The following IGSF10 variants were observed in gnomAD, a reference collection of about 807,000 sequenced individuals.
The protein encoded by IGSF10 is calvaria mechanical force protein 608.
IGSF10 carries 126 observed loss-of-function variants against 128.2 expected under a neutral mutation model. The ratio of observed to expected loss-of-function variants is 0.98; its 90% CI spans 0.85 to 1.14. The LOEUF (loss-of-function observed/expected upper bound fraction) is 1.14, where lower values mean the gene tolerates loss of function less well. IGSF10 is among the 50% of genes most tolerant of loss of function. The pLI is 0.00. For missense variants in IGSF10, 3,295 were observed against 3,149.8 expected, an observed-to-expected ratio of 1.05 and a Z score of -1.10; for synonymous variants, 1,185 against 1,146.2, an observed-to-expected ratio of 1.03 and a Z score of -0.68.
In IGSF10 at chr3:151,448,903, T is replaced by C. The variant is rs76292851; in HGVS notation, c.1078A>G (p.Thr360Ala). 7.4e-6 allele frequency: 12 copies of C among 1,614,126 alleles called. No homozygotes were observed. The South Asian group carries it at 9.9e-5, about 13-fold the overall frequency. ...TAATCTATGTTGCACACCAAAAATG[T>C]TGAAAATGAAGTATTTAGCACGATG... ...DYIVLNTSFSTFLVCNIDYGH... is the reference protein window; with the variant it reads ...DYIVLNTSFSAFLVCNIDYGH... The change falls in exon 6 of 8, where the codon ACA (threonine) becomes GCA (alanine). Residue 360 changes from threonine to alanine, a missense_variant. Coordinates refer to ENST00000282466, the MANE Select transcript of IGSF10 (RefSeq NM_178822.5).
the IGSF10 span, among the ~76,000 whole-genome samples, chr3:151,515,390 A>G: frequency 4.2e-5 from 6 of 144,262 alleles, no homozygotes; most frequent in Non-Finnish European, 7.5e-5. Flanking sequence ...AACACCGCAT[A>G]TTCTCACTCA....
At chr3:151,534,290 A>C in the IGSF10 span, among the ~76,000 whole-genome samples, 2 of 152,192 alleles carry the variant, frequency 1.3e-5, no homozygotes, top group Non-Finnish European at 2.9e-5. Flanking sequence ...TTGACCCAGC[A>C]ATCCCATTAC....
the IGSF10 span, among the ~76,000 whole-genome samples, chr3:151,494,580 G>T: frequency 1.3e-5 from 2 of 151,964 alleles, no homozygotes; most frequent in African/African-American, 4.8e-5. Context: ...TACGACTCAG[G>T]GTTGCAATTC....
At chr3:151,455,867 A>G (rs996322435) in intron 4 of IGSF10, among the ~76,000 whole-genome samples, 7 of 152,244 alleles carry the variant, frequency 4.6e-5, no homozygotes, top group Non-Finnish European at 8.8e-5. Flanking sequence ...TCTCCCATAA[A>G]GAAAAAAGAA....
the IGSF10 span, among the ~76,000 whole-genome samples, chr3:151,577,051 G>A: frequency 2.0e-5 from 3 of 152,202 alleles, no homozygotes; most frequent in Non-Finnish European, 4.4e-5. Context: ...CTCAGCTTTG[G>A]AGTCTGCCCT....
At chr3:151,616,278 T>C in the IGSF10 span, among the ~76,000 whole-genome samples, 1 of 152,192 alleles carries the variant, frequency 6.6e-6, no homozygotes, top group Non-Finnish European at 1.5e-5. Flanking sequence ...TAAATATTTA[T>C]TTTGTTATTA....
chr3:151,580,524 T>C, the IGSF10 span, among the ~76,000 whole-genome samples: 2 of 152,246 alleles, frequency 1.3e-5, no homozygotes, highest in Admixed American at 6.5e-5. Flanking sequence ...TAAATGTTTG[T>C]TGAAGCATTT....
At chr3:151,617,320 C>CTTCTTTTTCTTCTCCT in the IGSF10 span, among the ~76,000 whole-genome samples, 3 of 83,580 alleles carry the variant, frequency 3.6e-5, no homozygotes, top group African/African-American at 1.6e-4. Context: ...CTTCTTCTTC[C>CTTCTTTTTCTTCTCCT]CCTCCTCCTC....
chr3:151,480,909 C>T, the IGSF10 span, among the ~76,000 whole-genome samples: 3 of 152,150 alleles, frequency 2.0e-5, no homozygotes, highest in African/African-American at 7.2e-5. Context: ...CTCCAGCACA[C>T]TGGAGAAATG....
At chr3:151,463,541 T>TTTTTTG (rs1722157047), upstream of IGSF10, among the ~76,000 whole-genome samples, 1 of 108,612 alleles carries the variant, frequency 9.2e-6, no homozygotes. Context: ...TTTTTTTTTT[T>TTTTTTG]TTTTTTTTTT....
the IGSF10 span, among the ~76,000 whole-genome samples, chr3:151,617,291 T>G: frequency 7.9e-6 from 1 of 125,948 alleles, no homozygotes; most frequent in East Asian, 2.3e-4. Context: ...TTCTTCTTCT[T>G]CTTCTTCTTC....
Position 151,445,581 on chromosome 3 carries a change from C to G in IGSF10, c.4400G>C (p.Ser1467Thr). Residue 1467 changes from serine to threonine, a missense_variant, in exon 6 of 8, where the codon AGC becomes ACC. By Grantham distance (58) the Ser-to-Thr change is moderately conservative. Transcript: ENST00000282466. ...IRHSTIPPFL[S>T]SSATLMPVPI... Reference sequence around the variant, plus strand: ...AACTGGCATTAGAGTAGCACTGCTGCTCAAGAATGGTGGTATGGTTGAGTG... The same window carrying G: ...AACTGGCATTAGAGTAGCACTGCTGGTCAAGAATGGTGGTATGGTTGAGTG... The G allele has an allele frequency of 6.2e-7, 1 of 1,614,178 alleles. No individual in the cohort carries two copies. Among genetic ancestry groups the G allele is most frequent in the Non-Finnish European group, 8.5e-7 (1 of 1,180,002 alleles).
chr3:151,610,466 G>A, the IGSF10 span, among the ~76,000 whole-genome samples: 1 of 152,124 alleles, frequency 6.6e-6, no homozygotes, highest in Admixed American at 6.6e-5. Flanking sequence ...TTATATGGAG[G>A]CAGTTTATAG....
the IGSF10 span, among the ~76,000 whole-genome samples, chr3:151,513,332 A>G: frequency 2.6e-5 from 4 of 152,190 alleles, no homozygotes; most frequent in Non-Finnish European, 5.9e-5. Flanking sequence ...AAAATCAATA[A>G]ACGTAATCCA....
At chr3:151,586,158 C>T in the IGSF10 span, among the ~76,000 whole-genome samples, 1 of 151,924 alleles carries the variant, frequency 6.6e-6, no homozygotes, top group East Asian at 1.9e-4. Context: ...TGAGGTATCA[C>T]CACATTGCCC....
rs73010408 is a variant in IGSF10, at chr3:151,450,284, G to A, written c.716-1019C>T. On this transcript the variant is annotated intron_variant, in intron 5 of 7. Coordinates refer to ENST00000282466, the MANE Select transcript of IGSF10 (RefSeq NM_178822.5). ...TTCCCTTACACAAAATACAGCCTGA[G>A]ACATCCATGCTGTTCCATATAGTAG... Among the ~76,000 whole-genome samples the A allele has an allele frequency of 5.3e-3, 813 of 152,304 alleles. 9 individuals are homozygous for A. Among genetic ancestry groups the A allele is most frequent in the African/African-American group, 0.019 (788 of 41,550 alleles).
At chr3:151,577,652 A>AT in the IGSF10 span, among the ~76,000 whole-genome samples, 2 of 152,082 alleles carry the variant, frequency 1.3e-5, no homozygotes, top group African/African-American at 2.4e-5. Context: ...ACCAACACCA[A>AT]TAAAAAAAAA....
chr3:151,459,041 A>G (rs1280467459), intron 2 of IGSF10, among the ~76,000 whole-genome samples: 1 of 152,256 alleles, frequency 6.6e-6, no homozygotes, highest in African/African-American at 2.4e-5. Flanking sequence ...CAACTAAAAT[A>G]TATAGAATTT....
the IGSF10 span, among the ~76,000 whole-genome samples, chr3:151,558,892 C>T: frequency 6.6e-6 from 1 of 151,934 alleles, no homozygotes; most frequent in Non-Finnish European, 1.5e-5. Flanking sequence ...TTTTCATGCA[C>T]AATCTTCATA....
Sources: gnomAD v4.1 joint callset for allele counts (sites outside exome capture counted in the v4.1 genomes callset) on GRCh38, gnomAD v4.1.1 for gene constraint, MANE v1.5 for transcripts, NCBI Gene and HGNC (gene_info 2026-07-23, HGNC 2026-07-21) for gene names.